RBM19: variants seen among roughly 807,000 people sequenced by gnomAD.
RBM19 encodes the protein RNA binding motif protein 19.
RBM19 carries 94 observed loss-of-function variants against 116.8 expected under a neutral mutation model. That is an observed-to-expected ratio of 0.80 (90% CI 0.68 to 0.95). The LOEUF (loss-of-function observed/expected upper bound fraction) is 0.95. Among genes scored for constraint, RBM19 ranks in the 40% least tolerant of loss-of-function variants. The pLI is 0.00. For missense variants in RBM19, 1,161 were observed against 1,220.7 expected (o/e 0.95, Z 0.73); for synonymous variants, 475 against 494.1 (o/e 0.96, Z 0.51).
At chr12:113,947,904 C>T (rs754028762) in intron 10 of RBM19, among the ~76,000 whole-genome samples, 8 of 152,200 alleles carry the variant, frequency 5.3e-5, no homozygotes, top group African/African-American at 1.2e-4. Context: ...CTCTCTGGGT[C>T]TTTCCTTCCC....
At chr12:113,918,707 C>G (rs1651488543) in intron 19 of RBM19, among the ~76,000 whole-genome samples, 1 of 152,238 alleles carries the variant, frequency 6.6e-6, no homozygotes, top group South Asian at 2.1e-4. Flanking sequence ...AGATGTCATT[C>G]AAGGGACACG....
At chr12:113,957,691 C>T in intron 6 of RBM19, 91 bp downstream of exon 6, 2 of 1,469,470 alleles carry the variant, frequency 1.4e-6, no homozygotes, top group East Asian at 2.4e-5. Context: ...CTTTCCCCAA[C>T]ATTCCGCTCT....
chr12:113,830,570 C>CGGGGGGGGGGGGGGGGGGGGGGG, intron 23 of RBM19, among the ~76,000 whole-genome samples: 1 of 7,856 alleles, frequency 1.3e-4, no homozygotes, highest in Admixed American at 1.5e-3. Context: ...GCTAGGGCTG[C>CGGGGGGGGGGGGGGGGGGGGGGG]GGGGCGGGGG....
chr12:113,937,096 C>T lies in RBM19; in HGVS notation c.1979G>A (p.Gly660Asp). 5.0e-6 allele frequency: 8 copies of T among 1,614,056 alleles called. No individual in the cohort carries two copies. The highest frequency in any genetic ancestry group is 5.9e-6 in the Non-Finnish European group (7 of 1,179,980). ...CTGTGGGGCTGTGCTGGAGAAGACGCCAACTGGAGCCCACTCCAGATAGAG... is the reference window on the plus strand; with the variant it reads ...CTGTGGGGCTGTGCTGGAGAAGACGTCAACTGGAGCCCACTCCAGATAGAG... ...VPLYLEWAPV[G>D]VFSSTAPQKK... The change falls in exon 16 of 24, where the codon GGC becomes GAC. Residue 660 changes from glycine to aspartate, a missense_variant. Gly to Asp is a moderately conservative substitution (Grantham distance 94). Coordinates refer to ENST00000261741, the MANE Select transcript of RBM19 (RefSeq NM_016196.4).
In RBM19 at chr12:113,858,783, G is replaced by A. The variant is rs372879296; in HGVS notation, c.2664+8C>T. ...CTGGACAGGTGGGGAAGGGATTCAC[G>A]GTCTCACCTTCGCATCCTGCTTGGT... is the stretch of plus-strand genomic sequence containing the variant. On this transcript the variant is annotated splice_region_variant and intron_variant, in intron 22 of 23. Transcript: ENST00000261741. 21 of 1,612,886 alleles carry A rather than the reference G, an allele frequency of 1.3e-5. No homozygotes were observed. The highest frequency in any genetic ancestry group is 1.7e-5 in the Non-Finnish European group (20 of 1,179,204).
intron 16 of RBM19, among the ~76,000 whole-genome samples, chr12:113,930,906 C>T (rs771728512): frequency 3.0e-4 from 45 of 152,254 alleles, no homozygotes; most frequent in Admixed American, 7.2e-4. Context: ...AGCTGCATGG[C>T]CCTGGGTGAG....
intron 10 of RBM19, 69 bp from the exon 11 acceptor site, chr12:113,947,533 G>C (rs1262404596): frequency 6.6e-7 from 1 of 1,509,622 alleles, no homozygotes; most frequent in East Asian, 2.3e-5. Context: ...AATGTGGTGA[G>C]CACCAGCTGT....
chr12:113,906,517 T>C (rs1357989286), intron 21 of RBM19, among the ~76,000 whole-genome samples: 1 of 152,218 alleles, frequency 6.6e-6, no homozygotes, highest in Non-Finnish European at 1.5e-5. Context: ...GCTCTGCCTC[T>C]TGAGCCAGGT....
chr12:113,954,315 TAATAAA>T (rs1871724745), intron 7 of RBM19, among the ~76,000 whole-genome samples: 1 of 151,874 alleles, frequency 6.6e-6, no homozygotes, highest in Non-Finnish European at 1.5e-5. Flanking sequence ...AAAATAATAA[TAATAAA>T]AACTAAAAAC....
At chr12:113,842,454 T>C (rs1876575937) in intron 23 of RBM19, among the ~76,000 whole-genome samples, 1 of 152,252 alleles carries the variant, frequency 6.6e-6, no homozygotes, top group South Asian at 2.1e-4. Flanking sequence ...GTTGTGAGCT[T>C]GCAACTGTGT....
At chr12:113,886,316 A>G (rs915503582) in intron 21 of RBM19, among the ~76,000 whole-genome samples, 2 of 152,108 alleles carry the variant, frequency 1.3e-5, no homozygotes, top group African/African-American at 2.4e-5. Flanking sequence ...AATTTTTTAT[A>G]GAGATGGAGT....
intron 21 of RBM19, among the ~76,000 whole-genome samples, chr12:113,891,570 T>G (rs1880966905): frequency 6.6e-6 from 1 of 152,204 alleles, no homozygotes; most frequent in Non-Finnish European, 1.5e-5. Flanking sequence ...GGCTGTCATG[T>G]TCACTTACTT....
At chr12:113,910,764 G>T (rs550166349) in intron 21 of RBM19, among the ~76,000 whole-genome samples, 1 of 152,326 alleles carries the variant, frequency 6.6e-6, no homozygotes, top group East Asian at 1.9e-4. Context: ...CCCGATGCCT[G>T]TATTAGCCAG....
chr12:113,836,798 T>A (rs1875935238), intron 23 of RBM19, among the ~76,000 whole-genome samples: 1 of 150,896 alleles, frequency 6.6e-6, no homozygotes, highest in South Asian at 2.1e-4. Context: ...GTGTCAGGCA[T>A]ACCTGTCCTC....
At chr12:113,941,824 T>C (rs1406497556) in intron 14 of RBM19, among the ~76,000 whole-genome samples, 1 of 152,212 alleles carries the variant, frequency 6.6e-6, no homozygotes, top group African/African-American at 2.4e-5. Flanking sequence ...TATAGACTGT[T>C]TGACCTTGTA....
intron 19 of RBM19, among the ~76,000 whole-genome samples, chr12:113,919,840 C>T (rs531090320): frequency 2.0e-5 from 3 of 152,136 alleles, no homozygotes; most frequent in African/African-American, 7.2e-5. Flanking sequence ...CTCCTACCTG[C>T]CCCCTGCCCC....
chr12:113,923,777 C>T (rs538175717), intron 18 of RBM19, among the ~76,000 whole-genome samples: 9 of 152,206 alleles, frequency 5.9e-5, no homozygotes, highest in Non-Finnish European at 2.9e-5. Flanking sequence ...GCCATCCAAC[C>T]CCTTGCTGCA....
chr12:113,915,921 C>T (rs1278561137), intron 20 of RBM19, among the ~76,000 whole-genome samples: 2 of 152,200 alleles, frequency 1.3e-5, no homozygotes, highest in East Asian at 3.8e-4. Context: ...CACAGGCCTT[C>T]CCTGTCTCCA....
At chr12:113,843,702 G>A (rs574575844) in intron 23 of RBM19, among the ~76,000 whole-genome samples, 1 of 152,310 alleles carries the variant, frequency 6.6e-6, no homozygotes, top group East Asian at 1.9e-4. Context: ...TTTGGAGGGT[G>A]TGTACCTGAC....
Sources: gnomAD v4.1 joint callset for allele counts (sites outside exome capture counted in the v4.1 genomes callset) on GRCh38, gnomAD v4.1.1 for gene constraint, MANE v1.5 for transcripts, NCBI Gene and HGNC (gene_info 2026-07-23, HGNC 2026-07-21) for gene names.